Variants in UGGT1 observed in about 807,000 individuals in gnomAD.
UGGT1 encodes UDP-glucose:glycoprotein glucosyltransferase 1.
Under a neutral mutation model 203.9 loss-of-function variants are expected in UGGT1, and 107 were observed. The observed-to-expected ratio is 0.52, with a 90% CI of 0.45 to 0.62. The LOEUF is 0.62. UGGT1 is among the 20% of genes least tolerant of loss of function. The pLI, the probability that UGGT1 is intolerant of heterozygous loss-of-function variation, is 0.00. For synonymous variants in UGGT1, 628 were observed against 653.5 expected (o/e 0.96, Z 0.59); for missense variants, 1,673 against 1,867.2 (o/e 0.90, Z 1.92).
chr2:128,148,804 A>G (rs1352658019), intron 18 of UGGT1, among the ~76,000 whole-genome samples: 1 of 151,740 alleles, frequency 6.6e-6, no homozygotes, highest in Non-Finnish European at 1.5e-5. Flanking sequence ...CCCATGTGTT[A>G]TCTGCCACCT....
At chr2:128,126,328 C>T (rs1399667087) in intron 11 of UGGT1, among the ~76,000 whole-genome samples, 1 of 151,600 alleles carries the variant, frequency 6.6e-6, no homozygotes, top group African/African-American at 2.4e-5. Context: ...GCAACCTCTG[C>T]CTCCCAGGTA....
At chr2:128,128,660 G>A (rs1688728976) in intron 12 of UGGT1, among the ~76,000 whole-genome samples, 1 of 152,224 alleles carries the variant, frequency 6.6e-6, no homozygotes, top group African/African-American at 2.4e-5. Flanking sequence ...TAAGTTGGGT[G>A]TGGATTCTTT....
intron 22 of UGGT1, among the ~76,000 whole-genome samples, chr2:128,158,643 A>G (rs1004304272): frequency 2.0e-5 from 3 of 152,204 alleles, no homozygotes; most frequent in Non-Finnish European, 4.4e-5. Flanking sequence ...GCTTGGTGCT[A>G]TTATAAGACT....
intron 2 of UGGT1, among the ~76,000 whole-genome samples, chr2:128,103,524 A>G (rs1445028716): frequency 6.6e-6 from 1 of 152,138 alleles, no homozygotes; most frequent in Non-Finnish European, 1.5e-5. Flanking sequence ...TAGGCAAAAC[A>G]TATTTTTTGT....
At chr2:128,128,825 A>G in intron 12 of UGGT1, among the ~76,000 whole-genome samples, 1 of 152,228 alleles carries the variant, frequency 6.6e-6, no homozygotes, top group East Asian at 1.9e-4. Flanking sequence ...CAGAGAGATT[A>G]ATGTACTGTT....
At chr2:128,187,379 A>C in intron 39 of UGGT1, 70 bp from the exon 40 acceptor site, 4 of 1,537,106 alleles carry the variant, frequency 2.6e-6, no homozygotes, top group Non-Finnish European at 2.6e-6. Flanking sequence ...TTGTAACCCA[A>C]GAACCTTTGA....
Position 128,182,186 on chromosome 2 carries a change from T to C in UGGT1, c.4140T>C (p.Tyr1380=), listed in dbSNP as rs746497016. Reference sequence around the variant, plus strand: ...ATTTCAATTTGGATGGTGCTCCTTATGGTTACACTCCTTTCTGTGACAGCC... The same window carrying C: ...ATTTCAATTTGGATGGTGCTCCTTACGGTTACACTCCTTTCTGTGACAGCC... ...LRDFNLDGAP[Y]GYTPFCDSRR... The change falls in exon 37 of 41, where the codon TAT becomes TAC. Residue 1380 remains tyrosine, a synonymous_variant. Coordinates refer to ENST00000259253, the MANE Select transcript of UGGT1 (RefSeq NM_020120.4). 10 of 1,614,186 alleles carry C rather than the reference T, an allele frequency of 6.2e-6. No homozygotes were observed. The South Asian group carries it at 9.9e-5, about 16-fold the overall frequency.
At chr2:128,175,426 T>TTTTTATATAA (rs574262929) in intron 31 of UGGT1, among the ~76,000 whole-genome samples, 211 of 152,356 alleles carry the variant, frequency 1.4e-3, no homozygotes, top group African/African-American at 4.7e-3. Context: ...TGATATAAAT[T>TTTTTATATAA]CTGCTTAACA....
chr2:128,118,895 C>G (rs1688249537), intron 8 of UGGT1, among the ~76,000 whole-genome samples: 1 of 151,984 alleles, frequency 6.6e-6, no homozygotes, highest in Non-Finnish European at 1.5e-5. Flanking sequence ...GTCTTGAACT[C>G]CTGGGCTCAA....
chr2:128,100,019 C>CCA (rs1436614367), intron 2 of UGGT1, among the ~76,000 whole-genome samples: 2 of 3,062 alleles, frequency 6.5e-4, no homozygotes, highest in Admixed American at 4.6e-3. Flanking sequence ...AGATTTACAA[C>CCA]CCCCCCCCCC....
intron 10 of UGGT1, among the ~76,000 whole-genome samples, chr2:128,121,739 C>T (rs1283214288): frequency 6.6e-6 from 1 of 152,180 alleles, no homozygotes; most frequent in Non-Finnish European, 1.5e-5. Flanking sequence ...ACCACCACTA[C>T]TATTGCAGAT....
chr2:128,156,850 G>T (rs1437778240), intron 21 of UGGT1, among the ~76,000 whole-genome samples: 9 of 152,172 alleles, frequency 5.9e-5, no homozygotes, highest in Non-Finnish European at 1.0e-4. Context: ...GATTACAGGC[G>T]TGAGCCACTG....
At chr2:128,186,172 G>A (rs1558832411) in intron 38 of UGGT1, among the ~76,000 whole-genome samples, 1 of 152,212 alleles carries the variant, frequency 6.6e-6, no homozygotes, top group South Asian at 2.1e-4. Flanking sequence ...ATGGGCAGAT[G>A]TTTTATGGAT....
At chr2:128,145,499 CAA>C (rs1237095586) in intron 17 of UGGT1, among the ~76,000 whole-genome samples, 15 of 75,452 alleles carry the variant, frequency 2.0e-4, no homozygotes, top group Non-Finnish European at 3.7e-4. Context: ...CACACACACA[CAA>C]ACACACACAC....
chr2:128,133,135 TTG>T lies in UGGT1; in HGVS notation c.1378-4_1378-3del, dbSNP rs761120318. ...TGCATGTATCCTGTTGTGTTATTTT[TTG>T]TAGTGGGTCAACAACCTGGAGGTTG... On this transcript the variant is annotated splice_region_variant and splice_polypyrimidine_tract_variant and intron_variant, in intron 13 of 40. Transcript: ENST00000259253. The T allele has an allele frequency of 6.2e-7, 1 of 1,613,814 alleles. No homozygotes were observed. Among genetic ancestry groups the T allele is most frequent in the Admixed American group, 1.7e-5 (1 of 60,008 alleles).
intron 11 of UGGT1, among the ~76,000 whole-genome samples, chr2:128,124,069 C>T (rs975229438): frequency 2.0e-5 from 3 of 152,144 alleles, no homozygotes; most frequent in Non-Finnish European, 4.4e-5. Context: ...CCTCAGCCTC[C>T]CAAGTAGCTG....
At chr2:128,144,399 C>T (rs1345222678) in intron 17 of UGGT1, among the ~76,000 whole-genome samples, 1 of 152,198 alleles carries the variant, frequency 6.6e-6, no homozygotes, top group Non-Finnish European at 1.5e-5. Flanking sequence ...CCAAACACCT[C>T]CCTGTCACTC....
chr2:128,116,794 G>T (rs1688124531), intron 8 of UGGT1, among the ~76,000 whole-genome samples: 1 of 152,052 alleles, frequency 6.6e-6, no homozygotes, highest in African/African-American at 2.4e-5. Flanking sequence ...CAAAGTGCTG[G>T]GATTACAGGC....
rs372205755 is a variant in UGGT1 at position 128,126,902 on chromosome 2, C to A, written c.1135-459C>A. The stretch of plus-strand genomic sequence containing the variant: ...TTTGCCACGTTGTCCAGGCTGGTCT[C>A]CAACTCCTGGCCTCAAGTGATCCAC... On this transcript the variant is annotated intron_variant, in intron 11 of 40. Coordinates refer to ENST00000259253, the MANE Select transcript of UGGT1 (RefSeq NM_020120.4). Among the ~76,000 whole-genome samples, 137 of 152,082 alleles carry A rather than the reference C, an allele frequency of 9.0e-4. 2 individuals carry two copies. The South Asian group carries it at 0.028, about 31-fold the overall frequency.
Sources: gnomAD v4.1 joint callset for allele counts (sites outside exome capture counted in the v4.1 genomes callset) on GRCh38, gnomAD v4.1.1 for gene constraint, MANE v1.5 for transcripts, NCBI Gene and HGNC (gene_info 2026-07-23, HGNC 2026-07-21) for gene names.